TEAD1: variants seen among roughly 807,000 people sequenced by gnomAD.
The protein encoded by TEAD1 is transcriptional enhancer factor TEF-1.
A neutral mutation model predicts 54.9 loss-of-function variants in TEAD1; 9 were observed. That is an observed-to-expected ratio of 0.16 (90% CI 0.10 to 0.29). The LOEUF (loss-of-function observed/expected upper bound fraction) is 0.29. Ranked by LOEUF, TEAD1 falls within the 10% of genes least tolerant of loss-of-function variation. TEAD1 has a pLI of 1.00. For missense variants in TEAD1, 387 were observed against 535.9 expected, an observed-to-expected ratio of 0.72 and a Z score of 2.74; for synonymous variants, 200 against 187.8, an observed-to-expected ratio of 1.07 and a Z score of -0.53.
In TEAD1 at chr11:12,764,343, C is replaced by G; in HGVS notation, c.111C>G (p.Pro37=). 6.2e-7 allele frequency: 1 copy of G among 1,614,120 alleles called. No homozygotes were observed. Among genetic ancestry groups the G allele is most frequent in the South Asian group, 1.1e-5 (1 of 91,074 alleles). Residue 37 remains proline, a synonymous_variant, in exon 3 of 13, where the codon CCC becomes CCG. Transcript: ENST00000527636. ...ATGATGCAGAAGGGGTCTGGAGCCCCGACATCGAGCAAAGCTTTCAGGAGG... is the reference window on the plus strand; with the variant it reads ...ATGATGCAGAAGGGGTCTGGAGCCCGGACATCGAGCAAAGCTTTCAGGAGG...
At chr11:12,795,636 T>C (rs1028678462) in intron 3 of TEAD1, among the ~76,000 whole-genome samples, 2 of 152,148 alleles carry the variant, frequency 1.3e-5, no homozygotes, top group African/African-American at 4.8e-5. Flanking sequence ...ATACCCTTGC[T>C]CCTCCACCTG....
At chr11:12,761,163 AATACTAC>A (rs1945095683) in intron 2 of TEAD1, among the ~76,000 whole-genome samples, 1 of 152,238 alleles carries the variant, frequency 6.6e-6, no homozygotes, top group South Asian at 2.1e-4. Flanking sequence ...AATGCTAGTT[AATACTAC>A]ATTCCCCCAA....
rs11022516 is a variant in TEAD1 at position 12,840,517 on chromosome 11, C to G, written c.203-21733C>G. 0.037 allele frequency among the ~76,000 whole-genome samples: 5,628 copies of G among 152,210 alleles called. 687 individuals carry two copies. The East Asian group carries it at 0.45, about 12-fold the overall frequency. The stretch of plus-strand genomic sequence containing the variant: ...TGATCGTTTCTGCGTAATAGTCTTT[C>G]ACTTAACTTTTACTCATTTTCACTT... On this transcript the variant is annotated intron_variant, in intron 3 of 12. Coordinates refer to ENST00000527636, the MANE Select transcript of TEAD1 (RefSeq NM_021961.6).
intron 2 of TEAD1, among the ~76,000 whole-genome samples, chr11:12,712,480 C>T (rs141101304): frequency 2.6e-5 from 4 of 152,328 alleles, no homozygotes; most frequent in African/African-American, 9.6e-5. Context: ...GGCATGTTCC[C>T]TAAACTCTGT....
rs11022563 is a variant in TEAD1 at position 12,934,759 on chromosome 11, A to G, written c.1168-2350A>G. Among the ~76,000 whole-genome samples, 880 of 152,196 alleles carry G rather than the reference A, an allele frequency of 5.8e-3. 42 individuals are homozygous for G. The East Asian group carries it at 0.1, about 18-fold the overall frequency. ...CAGAGGTTATCATTGAAATATTTTA[A>G]TTCAGCTAAGCTGTGAGAGATGGTA... On this transcript the variant is annotated intron_variant, in intron 12 of 12. Coordinates refer to ENST00000527636, the MANE Select transcript of TEAD1 (RefSeq NM_021961.6).
intron 5 of TEAD1, among the ~76,000 whole-genome samples, chr11:12,873,982 C>T (rs981024863): frequency 6.6e-6 from 1 of 152,194 alleles, no homozygotes; most frequent in African/African-American, 2.4e-5. Flanking sequence ...CATTTAATAA[C>T]TATCAAGAGT....
At chr11:12,924,784 T>C (rs1164923370) in intron 10 of TEAD1, 128 bp from the exon 11 acceptor site, 2 of 1,151,032 alleles carry the variant, frequency 1.7e-6, no homozygotes, top group African/African-American at 3.0e-5. Context: ...TGTTTCTAGA[T>C]GAGCATCACC....
intron 3 of TEAD1, among the ~76,000 whole-genome samples, chr11:12,778,845 CTG>C (rs1945486815): frequency 6.6e-6 from 1 of 152,108 alleles, no homozygotes; most frequent in Non-Finnish European, 1.5e-5. Context: ...AGGATGTTTT[CTG>C]TTAGATTGTT....
At chr11:12,892,361 C>T (rs369661180) in intron 9 of TEAD1, among the ~76,000 whole-genome samples, 17 of 152,090 alleles carry the variant, frequency 1.1e-4, no homozygotes, top group South Asian at 2.1e-4. Flanking sequence ...AGGTTTCAGC[C>T]GGGCGCAGTG....
chr11:12,696,635 CCT>C (rs1943590454), intron 2 of TEAD1, among the ~76,000 whole-genome samples: 3 of 152,110 alleles, frequency 2.0e-5, no homozygotes, highest in Non-Finnish European at 2.9e-5. Context: ...ACTCGTATTC[CCT>C]TACCGTTTTT....
rs553287718 is a variant in TEAD1, at chr11:12,804,614, G to T, written c.202+40180G>T. Among the ~76,000 whole-genome samples the T allele has an allele frequency of 8.5e-5, 13 of 152,322 alleles. 1 individual carries two copies. In the South Asian group the frequency reaches 2.7e-3, roughly 32 times the overall value. On this transcript the variant is annotated intron_variant, in intron 3 of 12. Transcript: ENST00000527636. ...TTGACTGTGCGATCACAGTAAGTTT[G>T]TGATGTGGCTTCTGCAGAAGCGAGT...
intron 2 of TEAD1, among the ~76,000 whole-genome samples, chr11:12,712,594 G>A (rs1943963069): frequency 6.6e-6 from 1 of 152,158 alleles, no homozygotes; most frequent in African/African-American, 2.4e-5. Context: ...CACATTGGCT[G>A]GAACAGATTA....
intron 3 of TEAD1, among the ~76,000 whole-genome samples, chr11:12,811,176 T>G (rs1293740072): frequency 6.6e-6 from 1 of 152,230 alleles, no homozygotes; most frequent in Non-Finnish European, 1.5e-5. Context: ...GAGATATCTT[T>G]CTGGGGCTGC....
At chr11:12,877,964 AT>A (rs1156263667) in intron 5 of TEAD1, among the ~76,000 whole-genome samples, 3 of 148,180 alleles carry the variant, frequency 2.0e-5, no homozygotes, top group African/African-American at 7.6e-5. Flanking sequence ...CACCTGGCTA[AT>A]TTTTTTTTTT....
intron 9 of TEAD1, among the ~76,000 whole-genome samples, chr11:12,895,675 T>C (rs1476377922): frequency 1.3e-5 from 2 of 152,240 alleles, no homozygotes; most frequent in Non-Finnish European, 2.9e-5. Flanking sequence ...AATAAAATAA[T>C]TGTATAAGCC....
chr11:12,879,680 A>G (rs759453256), intron 5 of TEAD1, 28 bp from the exon 6 acceptor site: 3 of 1,613,922 alleles, frequency 1.9e-6, no homozygotes, highest in African/African-American at 1.3e-5. Flanking sequence ...GTTATGTATT[A>G]AGTTGGTGTG....
chr11:12,937,126 T>C lies in TEAD1; in HGVS notation c.1185T>C (p.Asp395=). Residue 395 remains aspartate (D), a synonymous_variant, in exon 13 of 13, where the codon GAT becomes GAC. Transcript: ENST00000527636. ...CTTAACAGGTGGTAACAAACAGGGA[T>C]ACACAAGAAACTCTACTCTGCATGG... 6.2e-7 allele frequency: 1 copy of C among 1,613,632 alleles called. No individual in the cohort carries two copies. Among genetic ancestry groups the C allele is most frequent in the Non-Finnish European group, 8.5e-7 (1 of 1,179,714 alleles).
Position 12,883,469 on chromosome 11 carries a change from A to G in TEAD1, c.699+344A>G, listed in dbSNP as rs1459078122. On this transcript the variant is annotated intron_variant, in intron 9 of 12. Transcript: ENST00000527636. The stretch of plus-strand genomic sequence containing the variant: ...CCTTGCCATATGCCTGGTCCCATGC[A>G]GAGTTATTTAGATATATGATCACAA... Among the ~76,000 whole-genome samples, 6 of 152,188 alleles carry G rather than the reference A, an allele frequency of 3.9e-5. No homozygotes were observed. The East Asian group carries it at 1.2e-3, about 29-fold the overall frequency.
chr11:12,695,486 T>G (rs1435842476), intron 2 of TEAD1, among the ~76,000 whole-genome samples: 1 of 152,226 alleles, frequency 6.6e-6, no homozygotes, highest in Admixed American at 6.5e-5. Context: ...AGGCTGGGAT[T>G]AGAGACTGAA....
Sources: gnomAD v4.1 joint callset for allele counts (sites outside exome capture counted in the v4.1 genomes callset) on GRCh38, gnomAD v4.1.1 for gene constraint, MANE v1.5 for transcripts, NCBI Gene and HGNC (gene_info 2026-07-23, HGNC 2026-07-21) for gene names.